Variants in AGPAT4 observed in about 807,000 individuals in gnomAD.
AGPAT4 encodes 1-acyl-sn-glycerol-3-phosphate acyltransferase delta.
In AGPAT4, 15 loss-of-function variants were observed where a neutral mutation model predicts 48.0. The ratio of observed to expected loss-of-function variants is 0.31; its 90% CI spans 0.21 to 0.48. The LOEUF (loss-of-function observed/expected upper bound fraction) is 0.48, where lower values mean the gene tolerates loss of function less well. Ranked by LOEUF, AGPAT4 falls within the 20% of genes least tolerant of loss-of-function variation. The probability of loss-of-function intolerance (pLI) is 0.99; values close to 1 mark genes in which losing one functional copy is unlikely to be tolerated. For synonymous variants in AGPAT4, 178 were observed against 198.7 expected (o/e 0.90, Z 0.88); for missense variants, 314 against 482.5 (o/e 0.65, Z 3.27).
At position 161,196,350 on chromosome 6, in the gene AGPAT4, A is replaced by G. The variant is rs1781064159; in HGVS notation, c.179-29933T>C. 6.6e-6 allele frequency among the ~76,000 whole-genome samples: 1 copy of G among 152,192 alleles called. No homozygotes were observed. Among genetic ancestry groups the G allele is most frequent in the South Asian group, 2.1e-4 (1 of 4,832 alleles). On this transcript the variant is annotated intron_variant, in intron 2 of 8. Coordinates refer to ENST00000320285, the MANE Select transcript of AGPAT4 (RefSeq NM_020133.3). This position sits in a 1 kb window ranked among gnomAD's most constrained non-coding sequence, Gnocchi z 4.3. The stretch of plus-strand genomic sequence containing the variant: ...AAAAAGAGGCAGTCAGGGCAAACCC[A>G]ACAGATAAGTCACATCAAATAACAC...
rs1450942860 is a variant in AGPAT4, at chr6:161,140,261, C to T, written c.844-641G>A. ...GGTGTGGCTCTCAGAGGTGACAGCA[C>T]ACTCAGGACTGGGTGTCCAGGGTGA... On this transcript the variant is annotated intron_variant, in intron 7 of 8. Transcript: ENST00000320285. This position sits in a 1 kb window ranked among gnomAD's most constrained non-coding sequence, Gnocchi z 6.5. 2.0e-5 allele frequency among the ~76,000 whole-genome samples: 3 copies of T among 152,210 alleles called. No individual in the cohort carries two copies. In the South Asian group the frequency reaches 6.2e-4, roughly 31 times the overall value.
rs1363284901 is a variant in AGPAT4, at chr6:161,135,681, C to G, written c.*859G>C. The G allele has an allele frequency of 6.6e-6, 1 of 152,232 alleles. No homozygotes were observed. The highest frequency in any genetic ancestry group is 2.4e-5 in the African/African-American group (1 of 41,450). The allele number at this position is 152,232 out of a possible 1,614,324, so 9.4% of individuals were successfully genotyped here. A position where few individuals can be genotyped will look rare whatever the true frequency, so the allele number is the denominator to read the frequency against. On this transcript the variant is annotated 3_prime_UTR_variant, in exon 9 of 9. Transcript: ENST00000320285. The stretch of plus-strand genomic sequence containing the variant: ...TCACTGCTGAGAGGAACAGTCGATG[C>G]AAGCTCATCTCACAAATCACTGCAG...
intron 2 of AGPAT4, among the ~76,000 whole-genome samples, chr6:161,227,570 C>T (rs928124793): frequency 2.6e-5 from 4 of 152,224 alleles, no homozygotes; most frequent in East Asian, 1.9e-4. Flanking sequence ...CCCTCTTGCA[C>T]GCACAGCCCT....
rs1445864046 is a variant in AGPAT4, at chr6:161,259,704, A to G, written c.-90+14234T>C. Among the ~76,000 whole-genome samples, 2 of 152,154 alleles carry G rather than the reference A, an allele frequency of 1.3e-5. No homozygotes were observed. The highest frequency in any genetic ancestry group is 2.9e-5 in the Non-Finnish European group (2 of 68,018). On this transcript the variant is annotated intron_variant, in intron 1 of 8. Coordinates refer to ENST00000320285, the MANE Select transcript of AGPAT4 (RefSeq NM_020133.3). The surrounding 1 kb of genome is among the most constrained non-coding windows in gnomAD (Gnocchi z 4.9). ...AGGTCACCGCACAGTTCACATGCCC[A>G]GGAGGACTCTCTGGCTGAGTGGCAC...
rs58550351 is a variant in AGPAT4, at chr6:161,240,221, T to TAC, written c.-89-7921_-89-7920dup. On this transcript the variant is annotated intron_variant, in intron 1 of 8. Transcript: ENST00000320285. The surrounding 1 kb of genome is among the most constrained non-coding windows in gnomAD (Gnocchi z 5.5). ...CACTAACAGCAGATATCTTTGTGTA[T>TAC]ACACACACACACACACACACACACA... is the stretch of plus-strand genomic sequence containing the variant. Among the ~76,000 whole-genome samples, 2,917 of 144,364 alleles carry TAC rather than the reference T, an allele frequency of 0.02. 42 individuals carry two copies. The highest frequency in any genetic ancestry group is 0.047 in the Middle Eastern group (13 of 274). The allele number at this position is 144,364 out of a possible 152,430, so 94.7% of individuals were successfully genotyped here.
chr6:161,198,745 C>T lies in AGPAT4; in HGVS notation c.179-32328G>A, dbSNP rs764109406. Among the ~76,000 whole-genome samples, 3 of 144,256 alleles carry T rather than the reference C, an allele frequency of 2.1e-5. No individual in the cohort carries two copies. Among genetic ancestry groups the T allele is most frequent in the Admixed American group, 6.6e-5 (1 of 15,066 alleles). The allele number at this position is 144,256 out of a possible 152,430, so 94.6% of individuals were successfully genotyped here. A position where few individuals can be genotyped will look rare whatever the true frequency, so the allele number is the denominator to read the frequency against. On this transcript the variant is annotated intron_variant, in intron 2 of 8. Coordinates refer to ENST00000320285, the MANE Select transcript of AGPAT4 (RefSeq NM_020133.3). The surrounding 1 kb of genome is among the most constrained non-coding windows in gnomAD (Gnocchi z 4.3). ...CGCAGAGTGCTGGGAACACTATATG[C>T]AGTCTGTTTTTTCCTTTACACTGAC...
Position 161,159,088 on chromosome 6 carries a change from C to G in AGPAT4, c.349-4778G>C, listed in dbSNP as rs1030653646. 2.0e-5 allele frequency among the ~76,000 whole-genome samples: 3 copies of G among 152,174 alleles called. No homozygotes were observed. The highest frequency in any genetic ancestry group is 7.2e-5 in the African/African-American group (3 of 41,424). On this transcript the variant is annotated intron_variant, in intron 3 of 8. Coordinates refer to ENST00000320285, the MANE Select transcript of AGPAT4 (RefSeq NM_020133.3). The surrounding 1 kb of genome is among the most constrained non-coding windows in gnomAD (Gnocchi z 4.1). The stretch of plus-strand genomic sequence containing the variant: ...CTTAACAATAAAGCAGGCTAAACAG[C>G]CTGCCTTTGAGTCCTTTGACTGTTT...
rs760767674 is a variant in AGPAT4, at chr6:161,202,999, G to T, written c.178+29037C>A. ...CCCTTGATTTCTGCCCCCTACTCTCGAGTCTCCCCACTGGGAACCAGGCAT... is the reference window on the plus strand; with the variant it reads ...CCCTTGATTTCTGCCCCCTACTCTCTAGTCTCCCCACTGGGAACCAGGCAT... On this transcript the variant is annotated intron_variant, in intron 2 of 8. Coordinates refer to ENST00000320285, the MANE Select transcript of AGPAT4 (RefSeq NM_020133.3). This position sits in a 1 kb window ranked among gnomAD's most constrained non-coding sequence, Gnocchi z 5.4. Among the ~76,000 whole-genome samples, 36 of 152,118 alleles carry T rather than the reference G, an allele frequency of 2.4e-4. No homozygotes were observed. The highest frequency in any genetic ancestry group is 4.7e-4 in the Non-Finnish European group (32 of 68,030).
chr6:161,169,321 G>C lies in AGPAT4; in HGVS notation c.179-2904C>G, dbSNP rs757984954. ...ACTGGAATAGGGAGGCCAGTTAGCG[G>C]GTGACTACATCAGCACAGCGAGAGG... On this transcript the variant is annotated intron_variant, in intron 2 of 8. Coordinates refer to ENST00000320285, the MANE Select transcript of AGPAT4 (RefSeq NM_020133.3). The surrounding 1 kb of genome is among the most constrained non-coding windows in gnomAD (Gnocchi z 5.0). Among the ~76,000 whole-genome samples the C allele has an allele frequency of 3.2e-4, 48 of 152,180 alleles. No homozygotes were observed. The highest frequency in any genetic ancestry group is 5.7e-4 in the Non-Finnish European group (39 of 68,030).
chr6:161,164,169 G>A lies in AGPAT4; in HGVS notation c.348+2079C>T, dbSNP rs914592384. On this transcript the variant is annotated intron_variant, in intron 3 of 8. Transcript: ENST00000320285. The surrounding 1 kb of genome is among the most constrained non-coding windows in gnomAD (Gnocchi z 7.4). ...GCCTTTGGGAGCAAAACCCTAAACG[G>A]TGCTGAGATTAAATTCCCGCTCCGT... Among the ~76,000 whole-genome samples, 3 of 152,190 alleles carry A rather than the reference G, an allele frequency of 2.0e-5. No homozygotes were observed. Among genetic ancestry groups the A allele is most frequent in the African/African-American group, 4.8e-5 (2 of 41,438 alleles).
chr6:161,255,596 A>G lies in AGPAT4; in HGVS notation c.-90+18342T>C, dbSNP rs922601663. Among the ~76,000 whole-genome samples the G allele has an allele frequency of 1.3e-5, 2 of 152,160 alleles. No individual in the cohort carries two copies. The highest frequency in any genetic ancestry group is 2.4e-5 in the African/African-American group (1 of 41,430). Reference sequence around the variant, plus strand: ...TACAACATGAATGAACCTCAAAAACATGTTATATGAAAGAAACCCGTCACA... The same window carrying G: ...TACAACATGAATGAACCTCAAAAACGTGTTATATGAAAGAAACCCGTCACA... On this transcript the variant is annotated intron_variant, in intron 1 of 8. Coordinates refer to ENST00000320285, the MANE Select transcript of AGPAT4 (RefSeq NM_020133.3). This position sits in a 1 kb window ranked among gnomAD's most constrained non-coding sequence, Gnocchi z 4.7.
In AGPAT4 at chr6:161,159,605, G is replaced by C. The variant is rs892156346; in HGVS notation, c.349-5295C>G. Among the ~76,000 whole-genome samples the C allele has an allele frequency of 6.6e-6, 1 of 152,170 alleles. No homozygotes were observed. ...AAATAATGAATCAGTTTGTGTGCAC[G>C]CGTGCGTGTGTGTGTGTGTTCATCA... On this transcript the variant is annotated intron_variant, in intron 3 of 8. Coordinates refer to ENST00000320285, the MANE Select transcript of AGPAT4 (RefSeq NM_020133.3). This position sits in a 1 kb window ranked among gnomAD's most constrained non-coding sequence, Gnocchi z 4.1.
intron 1 of AGPAT4, among the ~76,000 whole-genome samples, chr6:161,260,453 T>A (rs901089846): frequency 2.0e-5 from 3 of 150,680 alleles, no homozygotes; most frequent in African/African-American, 7.3e-5. Context: ...TGAGGTCAGA[T>A]GTTTGAGTTC....
In AGPAT4 at chr6:161,215,137, G is replaced by T. The variant is rs1237602771; in HGVS notation, c.178+16899C>A. Among the ~76,000 whole-genome samples the T allele has an allele frequency of 6.6e-6, 1 of 152,178 alleles. No individual in the cohort carries two copies. The highest frequency in any genetic ancestry group is 1.5e-5 in the Non-Finnish European group (1 of 68,036). On this transcript the variant is annotated intron_variant, in intron 2 of 8. Transcript: ENST00000320285. This position sits in a 1 kb window ranked among gnomAD's most constrained non-coding sequence, Gnocchi z 4.5. ...ATGCTTCACATTTCTATAGGCTTGA[G>T]TACAATTTTAATACTATTACAAGAG... is the stretch of plus-strand genomic sequence containing the variant.
In AGPAT4 at chr6:161,262,556, A is replaced by G. The variant is rs1213081103; in HGVS notation, c.-90+11382T>C. Among the ~76,000 whole-genome samples, 1 of 152,038 alleles carries G rather than the reference A, an allele frequency of 6.6e-6. No individual in the cohort carries two copies. The highest frequency in any genetic ancestry group is 1.5e-5 in the Non-Finnish European group (1 of 67,988). ...TCCCTGGGCAAAGTCCCCAGCCTAG[A>G]GTTCCTCCTTCCACATCTTATTGTA... On this transcript the variant is annotated intron_variant, in intron 1 of 8. Transcript: ENST00000320285. The surrounding 1 kb of genome is among the most constrained non-coding windows in gnomAD (Gnocchi z 4.9).
chr6:161,170,465 GCGCGCGCGCACA>G (rs1458316896), intron 2 of AGPAT4, among the ~76,000 whole-genome samples: 9 of 62,294 alleles, frequency 1.4e-4, no homozygotes, highest in African/African-American at 5.3e-4. Context: ...GTGCACACGT[GCGCGCGCGCACA>G]CACACACACA....
rs1781119879 is a variant in AGPAT4, at chr6:161,198,064, T to C, written c.179-31647A>G. 6.6e-6 allele frequency among the ~76,000 whole-genome samples: 1 copy of C among 152,218 alleles called. No individual in the cohort carries two copies. Among genetic ancestry groups the C allele is most frequent in the Non-Finnish European group, 1.5e-5 (1 of 68,046 alleles). ...TCATTCTTCCCACTCTTCTTTTGTTTAATATTTTAAAATATTTCCCTTTAC... is the reference window on the plus strand; with the variant it reads ...TCATTCTTCCCACTCTTCTTTTGTTCAATATTTTAAAATATTTCCCTTTAC... On this transcript the variant is annotated intron_variant, in intron 2 of 8. Coordinates refer to ENST00000320285, the MANE Select transcript of AGPAT4 (RefSeq NM_020133.3). The surrounding 1 kb of genome is among the most constrained non-coding windows in gnomAD (Gnocchi z 4.3).
rs1210187795 is a variant in AGPAT4 at position 161,231,434 on chromosome 6, A to T, written c.178+602T>A. Among the ~76,000 whole-genome samples, 1 of 150,798 alleles carries T rather than the reference A, an allele frequency of 6.6e-6. No homozygotes were observed. The highest frequency in any genetic ancestry group is 2.1e-4 in the South Asian group (1 of 4,826). On this transcript the variant is annotated intron_variant, in intron 2 of 8. Coordinates refer to ENST00000320285, the MANE Select transcript of AGPAT4 (RefSeq NM_020133.3). The surrounding 1 kb of genome is among the most constrained non-coding windows in gnomAD (Gnocchi z 5.3). The stretch of plus-strand genomic sequence containing the variant: ...AAATAGGAGTAGGGTTGTGGATTGT[A>T]TCAATGTCAATTTTCTCATTGGAAT...
At position 161,141,392 on chromosome 6, in the gene AGPAT4, TGGA is replaced by T. The variant is rs939550467; in HGVS notation, c.844-1775_844-1773del. 5.3e-5 allele frequency among the ~76,000 whole-genome samples: 8 copies of T among 151,786 alleles called. No individual in the cohort carries two copies. The highest frequency in any genetic ancestry group is 1.9e-4 in the African/African-American group (8 of 41,280). ...TCAAGCAGTGAGAGCGATCAGATGGTGGAGGAGACAAGGAGGTGAGCACCATGA... is the reference window on the plus strand; with the variant it reads ...TCAAGCAGTGAGAGCGATCAGATGGTGGAGACAAGGAGGTGAGCACCATGA... On this transcript the variant is annotated intron_variant, in intron 7 of 8. Transcript: ENST00000320285. The surrounding 1 kb of genome is among the most constrained non-coding windows in gnomAD (Gnocchi z 6.7).
Sources: gnomAD v4.1 joint callset for allele counts (sites outside exome capture counted in the v4.1 genomes callset) on GRCh38, gnomAD v4.1.1 for gene constraint, Gnocchi (gnomAD v3.1) non-coding constraint, MANE v1.5 for transcripts, NCBI Gene and HGNC (gene_info 2026-07-23, HGNC 2026-07-21) for gene names.